PCDH7: variants seen among roughly 807,000 people sequenced by gnomAD.
PCDH7 encodes the protein protocadherin-7.
In PCDH7, 17 loss-of-function variants were observed where a neutral mutation model predicts 58.9. The ratio of observed to expected loss-of-function variants is 0.29; its 90% CI spans 0.20 to 0.43. PCDH7 has a LOEUF of 0.43. Ranked by LOEUF, PCDH7 falls within the 20% of genes least tolerant of loss-of-function variation. The pLI is 1.00. For missense variants in PCDH7, 1,274 were observed against 1,441.0 expected (o/e 0.88, Z 1.88); for synonymous variants, 664 against 616.4 (o/e 1.08, Z -1.14).
At chr4:30,739,049 T>C (rs968105804) in intron 1 of PCDH7, among the ~76,000 whole-genome samples, 1 of 150,440 alleles carries the variant, frequency 6.6e-6, no homozygotes, top group Non-Finnish European at 1.5e-5. Flanking sequence ...CCTTTGTGCT[T>C]TTCAATGTTT....
At chr4:31,103,803 A>G (rs1396354690) in intron 3 of PCDH7, among the ~76,000 whole-genome samples, 1 of 152,192 alleles carries the variant, frequency 6.6e-6, no homozygotes, top group East Asian at 1.9e-4. Context: ...AGAAACATTA[A>G]TTGTTTACCA....
chr4:31,038,813 A>G (rs1318447892), intron 3 of PCDH7, among the ~76,000 whole-genome samples: 1 of 152,124 alleles, frequency 6.6e-6, no homozygotes, highest in Non-Finnish European at 1.5e-5. Context: ...TGCTATATTT[A>G]TCAATGCTCT....
intron 3 of PCDH7, among the ~76,000 whole-genome samples, chr4:31,048,206 C>G (rs114874197): frequency 0.011 from 1,654 of 151,678 alleles, 35 homozygotes; most frequent in African/African-American, 0.038. Context: ...TGTTAAATGA[C>G]AAGAAAAAGA....
intron 1 of PCDH7, among the ~76,000 whole-genome samples, chr4:30,896,931 G>C (rs1307398067): frequency 1.3e-4 from 7 of 54,290 alleles, no homozygotes; most frequent in African/African-American, 4.6e-4. Context: ...TTGAGGTGGA[G>C]TCTTGCTCTG....
intron 3 of PCDH7, among the ~76,000 whole-genome samples, chr4:30,999,037 G>A (rs1230563594): frequency 2.0e-5 from 3 of 152,082 alleles, no homozygotes; most frequent in African/African-American, 2.4e-5. Flanking sequence ...CTGGATAGAG[G>A]GTGGGACGCC....
intron 3 of PCDH7, among the ~76,000 whole-genome samples, chr4:31,126,538 G>A (rs1243602110): frequency 6.6e-6 from 1 of 152,090 alleles, no homozygotes; most frequent in Non-Finnish European, 1.5e-5. Flanking sequence ...CTTAATCCTG[G>A]AAACTTCTTG....
In PCDH7 at chr4:30,902,206, C is replaced by T. The variant is rs567405536; in HGVS notation, c.71-17947C>T. ...TATGTTCTGGGAAATGTCTGCTACCCGTTAATCATTATCCACTGGAAAGGA... is the reference window on the plus strand; with the variant it reads ...TATGTTCTGGGAAATGTCTGCTACCTGTTAATCATTATCCACTGGAAAGGA... On this transcript the variant is annotated intron_variant, in intron 1 of 3. Transcript: ENST00000509759. Among the ~76,000 whole-genome samples the T allele has an allele frequency of 3.9e-5, 6 of 152,274 alleles. No individual in the cohort carries two copies. In the South Asian group the frequency reaches 1.0e-3, roughly 26 times the overall value.
At chr4:31,049,099 T>G (rs1024336769) in intron 3 of PCDH7, among the ~76,000 whole-genome samples, 3 of 152,100 alleles carry the variant, frequency 2.0e-5, no homozygotes, top group Non-Finnish European at 4.4e-5. Flanking sequence ...GCTGCACCCA[T>G]TAACTCATCA....
chr4:31,026,417 C>G (rs931821847), intron 3 of PCDH7, among the ~76,000 whole-genome samples: 2 of 152,318 alleles, frequency 1.3e-5, no homozygotes, highest in African/African-American at 4.8e-5. Context: ...GAGATAACAA[C>G]AGTGGGCATA....
intron 3 of PCDH7, among the ~76,000 whole-genome samples, chr4:31,004,144 A>G (rs1752575412): frequency 6.6e-6 from 1 of 152,084 alleles, no homozygotes; most frequent in South Asian, 2.1e-4. Flanking sequence ...GGAAAGTCCC[A>G]TTGATAAAAA....
chr4:30,780,036 G>A (rs774274766), intron 1 of PCDH7, among the ~76,000 whole-genome samples: 16 of 151,976 alleles, frequency 1.1e-4, no homozygotes, highest in African/African-American at 3.9e-4. Context: ...ATCATTTTAC[G>A]TTTTTATTAT....
At chr4:30,888,422 C>T (rs1163751921) in intron 1 of PCDH7, among the ~76,000 whole-genome samples, 1 of 152,028 alleles carries the variant, frequency 6.6e-6, no homozygotes, top group African/African-American at 2.4e-5. Flanking sequence ...TATTCCTCAA[C>T]AAATAAGCTG....
At chr4:31,081,675 T>C (rs1036783626) in intron 3 of PCDH7, among the ~76,000 whole-genome samples, 17 of 152,272 alleles carry the variant, frequency 1.1e-4, no homozygotes, top group African/African-American at 4.1e-4. Flanking sequence ...ATTTTTTCCA[T>C]TCCCCAGCTT....
intron 1 of PCDH7, among the ~76,000 whole-genome samples, chr4:30,834,664 TA>T (rs1466320856): frequency 1.7e-3 from 227 of 134,782 alleles, no homozygotes; most frequent in African/African-American, 2.4e-3. Context: ...GAGATGAAAG[TA>T]AAAAAAAAAA....
intron 1 of PCDH7, among the ~76,000 whole-genome samples, chr4:30,841,624 A>T (rs901027669): frequency 1.3e-5 from 2 of 152,092 alleles, no homozygotes; most frequent in African/African-American, 4.8e-5. Context: ...AATAGGTGGT[A>T]GCTTGAATGT....
At chr4:31,056,517 G>GAAAGAAAGAAAGAAAGGGGAA (rs1491230659) in intron 3 of PCDH7, among the ~76,000 whole-genome samples, 1 of 95,038 alleles carries the variant, frequency 1.1e-5, no homozygotes, top group Non-Finnish European at 2.2e-5. Context: ...AAGAAAGAAA[G>GAAAGAAAGAAAGAAAGGGGAA]GGGAAGGGAA....
At chr4:31,127,622 T>C (rs951272617) in intron 3 of PCDH7, among the ~76,000 whole-genome samples, 2 of 152,180 alleles carry the variant, frequency 1.3e-5, no homozygotes, top group African/African-American at 4.8e-5. Flanking sequence ...GGGAATTAAG[T>C]GTAAATTCAG....
chr4:31,074,002 A>G (rs1046680734), intron 3 of PCDH7, among the ~76,000 whole-genome samples: 3 of 151,920 alleles, frequency 2.0e-5, no homozygotes, highest in African/African-American at 7.3e-5. Context: ...AGCAAGATCA[A>G]CACCCCAGGA....
chr4:30,963,023 G>A (rs1205738351), intron 3 of PCDH7, among the ~76,000 whole-genome samples: 1 of 152,066 alleles, frequency 6.6e-6, no homozygotes, highest in African/African-American at 2.4e-5. Context: ...AGTGTGGGAG[G>A]TAAAGTTCAT....
Sources: allele counts gnomAD v4.1 joint callset (sites outside exome capture counted in the v4.1 genomes callset), GRCh38; gene constraint gnomAD v4.1.1; transcripts MANE v1.5; gene names NCBI Gene and HGNC (gene_info 2026-07-23, HGNC 2026-07-21).